Variants in CD86 observed in about 807,000 individuals in gnomAD.
The protein encoded by CD86 is T-lymphocyte activation antigen CD86.
Under a neutral mutation model 32.1 loss-of-function variants are expected in CD86, and 11 were observed. The observed-to-expected ratio is 0.34, with a 90% CI of 0.22 to 0.57. The LOEUF is 0.57. Ranked by LOEUF, CD86 falls within the 20% of genes least tolerant of loss-of-function variation. The pLI is 0.86. For missense variants in CD86, 359 were observed against 398.4 expected, an observed-to-expected ratio of 0.90 and a Z score of 0.84; for synonymous variants, 137 against 135.3, an observed-to-expected ratio of 1.01 and a Z score of -0.09.
At chr3:122,081,539 C>A (rs2072634088) in intron 1 of CD86, among the ~76,000 whole-genome samples, 1 of 152,152 alleles carries the variant, frequency 6.6e-6, no homozygotes, top group Non-Finnish European at 1.5e-5. Flanking sequence ...GCTTGCAAAG[C>A]CTTTCAAGGA....
At chr3:122,102,072 T>C (rs2073018661) in intron 2 of CD86, among the ~76,000 whole-genome samples, 1 of 152,136 alleles carries the variant, frequency 6.6e-6, no homozygotes, top group Non-Finnish European at 1.5e-5. Flanking sequence ...ACCCCTTGAT[T>C]ATGTGTTCTC....
intron 3 of CD86, 26 bp from the exon 4 acceptor site, chr3:122,106,172 T>G: frequency 6.5e-7 from 1 of 1,534,440 alleles, no homozygotes; most frequent in African/African-American, 1.4e-5. Flanking sequence ...TAGATTGATT[T>G]TTTTTTATCT....
At chr3:122,074,911 TC>T (rs1451789775) in intron 1 of CD86, among the ~76,000 whole-genome samples, 1 of 152,108 alleles carries the variant, frequency 6.6e-6, no homozygotes, top group Non-Finnish European at 1.5e-5. Context: ...AAGGAACTGA[TC>T]TTCTCCACTG....
At chr3:122,115,339 TTAC>T (rs1262813952) in intron 5 of CD86, among the ~76,000 whole-genome samples, 1 of 152,100 alleles carries the variant, frequency 6.6e-6, no homozygotes, top group Non-Finnish European at 1.5e-5. Flanking sequence ...CTATACAATA[TTAC>T]TACTGGAGAA....
At chr3:122,097,275 C>T (rs563819073) in intron 2 of CD86, among the ~76,000 whole-genome samples, 2 of 152,264 alleles carry the variant, frequency 1.3e-5, no homozygotes, top group South Asian at 4.1e-4. Context: ...ATTGCAGGTA[C>T]TGGAAATGTC....
intron 1 of CD86, among the ~76,000 whole-genome samples, chr3:122,074,199 G>C (rs1269658885): frequency 6.6e-6 from 1 of 152,226 alleles, no homozygotes; most frequent in African/African-American, 2.4e-5. Context: ...CATCACACCT[G>C]AGGTTGCTAC....
intron 2 of CD86, among the ~76,000 whole-genome samples, chr3:122,101,513 A>AAAAAAAAAAAT (rs1202377219): frequency 1.5e-4 from 7 of 46,330 alleles, no homozygotes; most frequent in African/African-American, 4.3e-4. Context: ...AAAAAAAAAA[A>AAAAAAAAAAAT]ATATATATAT....
At chr3:122,084,658 C>T (rs2072687209) in intron 1 of CD86, among the ~76,000 whole-genome samples, 1 of 152,064 alleles carries the variant, frequency 6.6e-6, no homozygotes, top group Non-Finnish European at 1.5e-5. Context: ...ATGATGGTCT[C>T]GGGGTAGTGG....
intron 1 of CD86, among the ~76,000 whole-genome samples, chr3:122,063,069 G>T (rs1313310999): frequency 1.3e-5 from 2 of 152,188 alleles, no homozygotes; most frequent in East Asian, 3.8e-4. Context: ...AAGGTAGGGT[G>T]CCAAAATCAT....
chr3:122,063,833 G>C (rs886713037), intron 1 of CD86, among the ~76,000 whole-genome samples: 4 of 152,040 alleles, frequency 2.6e-5, no homozygotes, highest in Non-Finnish European at 1.5e-5. Flanking sequence ...TTATAGGTGT[G>C]ACCCACCGCA....
At chr3:122,089,091 C>T (rs2072771456) in intron 1 of CD86, among the ~76,000 whole-genome samples, 1 of 152,170 alleles carries the variant, frequency 6.6e-6, no homozygotes, top group African/African-American at 2.4e-5. Flanking sequence ...AAGACAAATA[C>T]TGTATGAGTT....
chr3:122,079,786 C>T (rs1576765660), intron 1 of CD86, among the ~76,000 whole-genome samples: 1 of 152,294 alleles, frequency 6.6e-6, no homozygotes, highest in South Asian at 2.1e-4. Context: ...TTCCACCTCC[C>T]CATCACGGCC....
chr3:122,063,973 TA>T (rs2072377062), intron 1 of CD86, among the ~76,000 whole-genome samples: 1 of 152,152 alleles, frequency 6.6e-6, no homozygotes, highest in Non-Finnish European at 1.5e-5. Flanking sequence ...ACAAACAAAG[TA>T]ATGTCCTTTA....
At chr3:122,077,756 T>G in intron 1 of CD86, 4 of 985,390 alleles carry the variant, frequency 4.1e-6, no homozygotes, top group Non-Finnish European at 4.8e-6. Flanking sequence ...GTAGTCATTC[T>G]CATCAGTGGA....
chr3:122,057,372 G>A (rs2072252461), intron 1 of CD86, among the ~76,000 whole-genome samples: 1 of 152,144 alleles, frequency 6.6e-6, no homozygotes, highest in Non-Finnish European at 1.5e-5. Context: ...CAAGTGATTG[G>A]ATGATTATGG....
chr3:122,099,709 C>T (rs543587738), intron 2 of CD86, among the ~76,000 whole-genome samples: 41 of 152,200 alleles, frequency 2.7e-4, no homozygotes, highest in African/African-American at 9.4e-4. Flanking sequence ...ATATAATAAC[C>T]ACTAGCCATA....
intron 1 of CD86, among the ~76,000 whole-genome samples, chr3:122,071,680 G>T (rs1052869561): frequency 1.6e-4 from 24 of 151,968 alleles, no homozygotes; most frequent in Admixed American, 6.6e-5. Context: ...TTAAGAAACT[G>T]CTAAACTATA....
chr3:122,066,918 A>C (rs965973373), intron 1 of CD86, among the ~76,000 whole-genome samples: 1 of 152,206 alleles, frequency 6.6e-6, no homozygotes, highest in Non-Finnish European at 1.5e-5. Context: ...TGGTGAAAAA[A>C]AGAGGGTTCA....
rs567661210 is a variant in CD86 at position 122,062,125 on chromosome 3, A to G, written c.14+6622A>G. Among the ~76,000 whole-genome samples, 38 of 152,156 alleles carry G rather than the reference A, an allele frequency of 2.5e-4. No individual in the cohort carries two copies. The East Asian group carries it at 7.3e-3, about 29-fold the overall frequency. Reference sequence around the variant, plus strand: ...ACAAAAACTAAAAATGTTCATCTTCACTAAATATTAAAAAAAATGCCAATT... The same window carrying G: ...ACAAAAACTAAAAATGTTCATCTTCGCTAAATATTAAAAAAAATGCCAATT... On this transcript the variant is annotated intron_variant, in intron 1 of 6. Coordinates refer to ENST00000330540, the MANE Select transcript of CD86 (RefSeq NM_175862.5).
Sources: allele counts gnomAD v4.1 joint callset (sites outside exome capture counted in the v4.1 genomes callset), GRCh38; gene constraint gnomAD v4.1.1; transcripts MANE v1.5; gene names NCBI Gene and HGNC (gene_info 2026-07-23, HGNC 2026-07-21).